TAFA2: variants seen among roughly 807,000 people sequenced by gnomAD.
TAFA2 encodes chemokine-like protein TAFA-2.
In TAFA2, 7 loss-of-function variants were observed where a neutral mutation model predicts 18.8. The observed-to-expected ratio is 0.37, with a 90% confidence interval of 0.21 to 0.70. The LOEUF is 0.70. TAFA2 is among the 30% of genes least tolerant of loss of function. The pLI is 0.53. For missense variants in TAFA2, 122 were observed against 158.1 expected (o/e 0.77, Z 1.23); for synonymous variants, 60 against 54.2 (o/e 1.11, Z -0.47).
chr12:61,711,219 T>C (rs1051514443), intron 4 of TAFA2, among the ~76,000 whole-genome samples: 16 of 150,688 alleles, frequency 1.1e-4, no homozygotes, highest in Non-Finnish European at 4.4e-5. Flanking sequence ...TATGCATAGA[T>C]ACAGAGGAAA....
chr12:61,897,716 G>C (rs1420095920), intron 1 of TAFA2, among the ~76,000 whole-genome samples: 3 of 152,170 alleles, frequency 2.0e-5, no homozygotes, highest in Non-Finnish European at 4.4e-5. Context: ...TACAATTTGA[G>C]ATGAAATTTG....
Position 62,225,168 on chromosome 12 carries a change from G to A in TAFA2, c.-130+33595C>T, listed in dbSNP as rs745952686. On this transcript the variant is annotated intron_variant, in intron 1 of 5. Transcript: ENST00000551619. ...TTAATCAATTAATTAAGACAATGTG[G>A]TACTAGCACAATATTAGACAAACAG... Among the ~76,000 whole-genome samples, 37 of 152,124 alleles carry A rather than the reference G, an allele frequency of 2.4e-4. 1 individual carries two copies. Among genetic ancestry groups the A allele is most frequent in the Non-Finnish European group, 5.9e-5 (4 of 68,028 alleles).
At chr12:62,234,786 T>G (rs2062828364) in intron 1 of TAFA2, 1 of 1,055,076 alleles carries the variant, frequency 9.5e-7, no homozygotes, top group Non-Finnish European at 1.5e-6. Flanking sequence ...AGGTCTGGGA[T>G]GCTCCGGTAG....
chr12:62,151,228 G>T (rs1565761705), intron 1 of TAFA2, among the ~76,000 whole-genome samples: 1 of 152,224 alleles, frequency 6.6e-6, no homozygotes, highest in East Asian at 1.9e-4. Context: ...AGGTCACCTG[G>T]CTAATCAGTA....
Position 62,000,563 on chromosome 12 carries a change from C to T in TAFA2, c.-1-133137G>A, listed in dbSNP as rs1305185189. ...ACTGGTATGTGTTTATATGGCAACT[C>T]TACAGCAATACTACAGTGATATATC... On this transcript the variant is annotated intron_variant, in intron 1 of 4. Coordinates refer to ENST00000416284, the MANE Select transcript of TAFA2 (RefSeq NM_178539.5). Among the ~76,000 whole-genome samples the T allele has an allele frequency of 1.4e-5, 2 of 146,432 alleles. 1 individual carries two copies. The highest frequency in any genetic ancestry group is 3.0e-5 in the Non-Finnish European group (2 of 66,452).
At chr12:61,724,797 GTGTGTA>G (rs1870075618) in intron 4 of TAFA2, among the ~76,000 whole-genome samples, 3 of 114,122 alleles carry the variant, frequency 2.6e-5, no homozygotes, top group East Asian at 2.6e-4. Flanking sequence ...GTGTGTGTGT[GTGTGTA>G]TACACCAGAT....
chr12:62,051,466 CAG>C (rs1290431823), intron 1 of TAFA2, among the ~76,000 whole-genome samples: 1 of 152,080 alleles, frequency 6.6e-6, no homozygotes, highest in East Asian at 1.9e-4. Context: ...GTATGGAAAA[CAG>C]ACATTTAAGC....
At chr12:62,005,145 A>G (rs962035463) in intron 1 of TAFA2, among the ~76,000 whole-genome samples, 3 of 152,148 alleles carry the variant, frequency 2.0e-5, no homozygotes, top group Non-Finnish European at 4.4e-5. Flanking sequence ...ATATTGTATC[A>G]TATACTAGAA....
At chr12:62,252,525 A>G (rs190072745) in intron 1 of TAFA2, 9 of 152,330 alleles carry the variant, frequency 5.9e-5, no homozygotes, top group Admixed American at 2.0e-4. Context: ...TGGGTCACTG[A>G]CAATGATGGT....
At chr12:62,228,074 TACAC>T (rs1339588271) in intron 1 of TAFA2, among the ~76,000 whole-genome samples, 3 of 152,190 alleles carry the variant, frequency 2.0e-5, no homozygotes, top group African/African-American at 4.8e-5. Flanking sequence ...CGTGTGTACA[TACAC>T]ACACACTTAT....
At chr12:62,216,874 C>A (rs964271610) in intron 1 of TAFA2, among the ~76,000 whole-genome samples, 2 of 152,160 alleles carry the variant, frequency 1.3e-5, no homozygotes, top group African/African-American at 4.8e-5. Flanking sequence ...TTGGACTAGA[C>A]AAGCAAGAAG....
At chr12:61,955,342 G>A (rs568126211) in intron 1 of TAFA2, among the ~76,000 whole-genome samples, 8 of 151,608 alleles carry the variant, frequency 5.3e-5, no homozygotes, top group South Asian at 4.2e-4. Context: ...GGTGGCTCAC[G>A]CCTGTAATCC....
intron 2 of TAFA2, among the ~76,000 whole-genome samples, chr12:61,786,639 CA>C (rs1375378623): frequency 2.6e-5 from 4 of 151,290 alleles, no homozygotes; most frequent in African/African-American, 9.7e-5. Flanking sequence ...AATATAAAAA[CA>C]ACCAAGGTTG....
chr12:61,988,619 G>GCTT (rs1473981006), intron 1 of TAFA2, among the ~76,000 whole-genome samples: 1 of 152,102 alleles, frequency 6.6e-6, no homozygotes, highest in African/African-American at 2.4e-5. Context: ...GAAATATTCT[G>GCTT]CTTCTCAGCT....
At chr12:62,106,340 G>GAACAAAA (rs953728946) in intron 1 of TAFA2, among the ~76,000 whole-genome samples, 8 of 150,812 alleles carry the variant, frequency 5.3e-5, no homozygotes, top group African/African-American at 1.7e-4. Context: ...TCTCAAAAAA[G>GAACAAAA]AACAAAAAAC....
chr12:61,959,001 A>G (rs542877404), intron 1 of TAFA2, among the ~76,000 whole-genome samples: 4 of 152,086 alleles, frequency 2.6e-5, no homozygotes, highest in South Asian at 4.1e-4. Flanking sequence ...ATATTTGCCA[A>G]TATGAATTCA....
chr12:61,836,870 A>G (rs1174470257), intron 2 of TAFA2, among the ~76,000 whole-genome samples: 1 of 150,762 alleles, frequency 6.6e-6, no homozygotes, highest in African/African-American at 2.4e-5. Flanking sequence ...TTCTTTGTGA[A>G]TTCCCTGCTG....
At position 62,165,937 on chromosome 12, in the gene TAFA2, T is replaced by TCACA. The variant is rs1342975197; in HGVS notation, c.-2+25321_-2+25322insTGTG. Among the ~76,000 whole-genome samples, 16 of 115,346 alleles carry TCACA rather than the reference T, an allele frequency of 1.4e-4. No homozygotes were observed. The South Asian group carries it at 1.8e-3, about 13-fold the overall frequency. The allele number at this position is 115,346 out of a possible 152,430, so 75.7% of individuals were successfully genotyped here. A position where few individuals can be genotyped will look rare whatever the true frequency, so the allele number is the denominator to read the frequency against. On this transcript the variant is annotated intron_variant, in intron 1 of 4. Transcript: ENST00000416284. ...CTCTCTTCCTCTCTCTCTCTCTCTC[T>TCACA]CTCACACACACACACACACACACAC...
In TAFA2 at chr12:61,748,200, A is replaced by T. The variant is rs146397344; in HGVS notation, c.384+5422T>A. Reference sequence around the variant, plus strand: ...AATAAAATCAAAACATTATAATGCAACCTTAATTTTAATGTAGCATACATG... The same window carrying T: ...AATAAAATCAAAACATTATAATGCATCCTTAATTTTAATGTAGCATACATG... On this transcript the variant is annotated intron_variant, in intron 4 of 4. Transcript: ENST00000416284. Among the ~76,000 whole-genome samples, 344 of 152,232 alleles carry T rather than the reference A, an allele frequency of 2.3e-3. 3 individuals carry two copies. Among genetic ancestry groups the T allele is most frequent in the African/African-American group, 7.7e-3 (320 of 41,558 alleles).
Sources: gnomAD v4.1 joint callset for allele counts (sites outside exome capture counted in the v4.1 genomes callset) on GRCh38, gnomAD v4.1.1 for gene constraint, MANE v1.5 for transcripts, NCBI Gene and HGNC (gene_info 2026-07-23, HGNC 2026-07-21) for gene names.